NRXN1: variants seen among roughly 807,000 people sequenced by gnomAD.
NRXN1 encodes neurexin-1.
NRXN1 carries 39 observed loss-of-function variants against 150.9 expected under a neutral mutation model. The observed-to-expected ratio is 0.26, with a 90% CI of 0.20 to 0.34. NRXN1 has a LOEUF of 0.34. Among genes scored for constraint, NRXN1 ranks in the 10% least tolerant of loss-of-function variants. The probability of loss-of-function intolerance (pLI) is 1.00; values close to 1 mark genes in which losing one functional copy is unlikely to be tolerated. For synonymous variants in NRXN1, 924 were observed against 757.0 expected, an observed-to-expected ratio of 1.22 and a Z score of -3.62; for missense variants, 1,815 against 1,949.9, an observed-to-expected ratio of 0.93 and a Z score of 1.30.
intron 17 of NRXN1, among the ~76,000 whole-genome samples, chr2:50,300,047 G>A (rs900800456): frequency 2.6e-5 from 4 of 152,068 alleles, no homozygotes; most frequent in Admixed American, 2.0e-4. Context: ...GAAGGTAGAG[G>A]GAAGAAGGCA....
At chr2:50,545,474 C>A (rs1463668073) in intron 9 of NRXN1, among the ~76,000 whole-genome samples, 2 of 152,104 alleles carry the variant, frequency 1.3e-5, no homozygotes, top group East Asian at 1.9e-4. Flanking sequence ...ATGCCATAGT[C>A]CAGAGTCTGC....
chr2:50,109,524 T>G (rs990326049), intron 18 of NRXN1, among the ~76,000 whole-genome samples: 2 of 152,018 alleles, frequency 1.3e-5, no homozygotes, highest in Admixed American at 6.6e-5. Flanking sequence ...TCTAAAATTG[T>G]TTATCAGTTT....
At chr2:49,997,065 C>T (rs938687012) in intron 21 of NRXN1, among the ~76,000 whole-genome samples, 1 of 152,112 alleles carries the variant, frequency 6.6e-6, no homozygotes, top group Non-Finnish European at 1.5e-5. Context: ...TAACAGAATA[C>T]AGAAAACCCA....
intron 17 of NRXN1, among the ~76,000 whole-genome samples, chr2:50,296,888 T>C (rs1367409677): frequency 1.2e-4 from 18 of 148,194 alleles, no homozygotes; most frequent in African/African-American, 3.7e-4. Context: ...TTTCTTTTTT[T>C]TTTTTTTTTT....
chr2:50,741,420 C>G (rs1400250549), intron 5 of NRXN1, among the ~76,000 whole-genome samples: 1 of 152,030 alleles, frequency 6.6e-6, no homozygotes, highest in Non-Finnish European at 1.5e-5. Context: ...TCTCCTCTGC[C>G]CAAATGCTCC....
rs568304434 is a variant in NRXN1, at chr2:50,102,241, A to G, written c.3547-10747T>C. On this transcript the variant is annotated intron_variant, in intron 18 of 22. Coordinates refer to ENST00000401669, the MANE Select transcript of NRXN1 (RefSeq NM_001330078.2). ...CACAAAACAGTAATACCTCCACAAAAATGAAGTAATGCAGAAAAATATTTA... is the reference window on the plus strand; with the variant it reads ...CACAAAACAGTAATACCTCCACAAAGATGAAGTAATGCAGAAAAATATTTA... Among the ~76,000 whole-genome samples the G allele has an allele frequency of 6.6e-5, 10 of 152,100 alleles. No individual in the cohort carries two copies. The South Asian group carries it at 1.2e-3, about 19-fold the overall frequency.
chr2:50,222,611 T>C (rs909455862), intron 18 of NRXN1, among the ~76,000 whole-genome samples: 1 of 151,906 alleles, frequency 6.6e-6, no homozygotes, highest in Non-Finnish European at 1.5e-5. Context: ...ATACTTAAAA[T>C]GCTGAAAAAA....
intron 5 of NRXN1, among the ~76,000 whole-genome samples, chr2:50,691,136 G>A (rs1051655975): frequency 1.3e-5 from 2 of 152,162 alleles, no homozygotes; most frequent in Non-Finnish European, 2.9e-5. Flanking sequence ...ATTATATACA[G>A]AGTTTTCAAA....
At position 50,252,258 on chromosome 2, in the gene NRXN1, C is replaced by CTTT. The variant is rs143522284; in HGVS notation, c.3365-15291_3365-15289dup. Among the ~76,000 whole-genome samples the CTTT allele has an allele frequency of 2.3e-4, 16 of 69,708 alleles. 2 individuals carry two copies. The highest frequency in any genetic ancestry group is 4.3e-4 in the East Asian group (1 of 2,312). 45.7% of individuals were successfully genotyped at this position (69,708 alleles called of 152,430 possible). The stretch of plus-strand genomic sequence containing the variant: ...CTTTTTTTTTTTTCTTTTTTCTTTT[C>CTTT]TTTTTTTTTTTTTTTTTTTGAGACA... On this transcript the variant is annotated intron_variant, in intron 17 of 22. Coordinates refer to ENST00000401669, the MANE Select transcript of NRXN1 (RefSeq NM_001330078.2).
intron 5 of NRXN1, among the ~76,000 whole-genome samples, chr2:50,821,468 C>T (rs1669707947): frequency 1.3e-5 from 2 of 152,070 alleles, no homozygotes; most frequent in African/African-American, 4.8e-5. Flanking sequence ...TAAATCTTCC[C>T]ATCTGCAAAA....
chr2:50,621,846 T>A (rs186825062), intron 6 of NRXN1, among the ~76,000 whole-genome samples: 1 of 151,972 alleles, frequency 6.6e-6, no homozygotes, highest in Admixed American at 6.5e-5. Flanking sequence ...ACACATAGAA[T>A]GAGTAGAATG....
chr2:50,694,570 G>C (rs1692544676), intron 5 of NRXN1, among the ~76,000 whole-genome samples: 1 of 152,076 alleles, frequency 6.6e-6, no homozygotes, highest in African/African-American at 2.4e-5. Flanking sequence ...CAAGAAAACT[G>C]ATTTATCTCT....
chr2:50,361,016 G>C (rs1461146123), intron 17 of NRXN1, among the ~76,000 whole-genome samples: 1 of 152,162 alleles, frequency 6.6e-6, no homozygotes. Context: ...AATGACTACT[G>C]AGTAAATAAC....
intron 18 of NRXN1, among the ~76,000 whole-genome samples, chr2:50,102,368 T>A (rs1701090834): frequency 6.6e-6 from 1 of 152,070 alleles, no homozygotes; most frequent in Admixed American, 6.6e-5. Context: ...TTTATATACA[T>A]TTATTTTCCT....
chr2:50,340,377 G>A (rs2077469272), intron 17 of NRXN1, among the ~76,000 whole-genome samples: 1 of 152,104 alleles, frequency 6.6e-6, no homozygotes. Context: ...AAAGGGCTGG[G>A]CAAAAAGACC....
rs72891470 is a variant in NRXN1, at chr2:50,087,134, C to T, written c.3718+4189G>A. On this transcript the variant is annotated intron_variant, in intron 19 of 22. Transcript: ENST00000401669. ...CAAAATGGTCTCTTCTTCCTTGGAA[C>T]GAGTTTTCCTTTTATATCTTATTCA... 1.4e-4 allele frequency among the ~76,000 whole-genome samples: 22 copies of T among 152,166 alleles called. 1 individual carries two copies. The highest frequency in any genetic ancestry group is 8.8e-5 in the Non-Finnish European group (6 of 67,972).
At chr2:50,685,402 T>C (rs1691076347) in intron 5 of NRXN1, among the ~76,000 whole-genome samples, 1 of 152,140 alleles carries the variant, frequency 6.6e-6, no homozygotes, top group Non-Finnish European at 1.5e-5. Flanking sequence ...CATCTGGATA[T>C]CCCACCCTTT....
At chr2:50,978,514 C>T (rs777439191) in intron 2 of NRXN1, among the ~76,000 whole-genome samples, 61 of 151,284 alleles carry the variant, frequency 4.0e-4, no homozygotes, top group Non-Finnish European at 8.3e-4. Flanking sequence ...GATATCTAAT[C>T]CCTTTCCTTC....
At chr2:50,367,929 C>T (rs1308872341) in intron 17 of NRXN1, among the ~76,000 whole-genome samples, 2 of 151,978 alleles carry the variant, frequency 1.3e-5, no homozygotes, top group African/African-American at 4.8e-5. Flanking sequence ...CATACAATTA[C>T]CTGTCTATCT....
Sources: gnomAD v4.1 joint callset for allele counts (sites outside exome capture counted in the v4.1 genomes callset) on GRCh38, gnomAD v4.1.1 for gene constraint, MANE v1.5 for transcripts, NCBI Gene and HGNC (gene_info 2026-07-23, HGNC 2026-07-21) for gene names.